The following KLHL1 variants were observed in gnomAD, a reference collection of about 807,000 sequenced individuals.
The protein encoded by KLHL1 is kelch like family member 1, also known as kelch-like protein 1.
In KLHL1, 47 loss-of-function variants were observed where a neutral mutation model predicts 77.7. That is an observed-to-expected ratio of 0.60 (90% CI 0.48 to 0.77). The LOEUF is 0.77. Among genes scored for constraint, KLHL1 ranks in the 30% least tolerant of loss-of-function variants. KLHL1 has a pLI of 0.00. For missense variants in KLHL1, 925 were observed against 910.8 expected, an observed-to-expected ratio of 1.02 and a Z score of -0.20; for synonymous variants, 360 against 325.2, an observed-to-expected ratio of 1.11 and a Z score of -1.15.
Position 69,955,940 on chromosome 13 carries a change from ATATT to A in KLHL1, c.817+5364_817+5367del, listed in dbSNP as rs1373008106. The stretch of plus-strand genomic sequence containing the variant: ...ATATATATTTATATATATTTGATAT[ATATT>A]TATATATATATTTGATATTTATATA... On this transcript the variant is annotated intron_variant, in intron 3 of 10. Coordinates refer to ENST00000377844, the MANE Select transcript of KLHL1 (RefSeq NM_020866.3). Among the ~76,000 whole-genome samples the A allele has an allele frequency of 5.4e-3, 522 of 96,546 alleles. 3 individuals carry two copies. Among genetic ancestry groups the A allele is most frequent in the Non-Finnish European group, 8.7e-3 (361 of 41,390 alleles). 63.3% of individuals were successfully genotyped at this position (96,546 alleles called of 152,430 possible). A position where few individuals can be genotyped will look rare whatever the true frequency, so the allele number is the denominator to read the frequency against.
chr13:70,081,684 A>T (rs560346965), intron 1 of KLHL1, among the ~76,000 whole-genome samples: 2 of 152,320 alleles, frequency 1.3e-5, no homozygotes, highest in South Asian at 4.1e-4. Context: ...TTAAACAGGA[A>T]TTTCCATTGT....
intron 4 of KLHL1, 98 bp from the exon 5 acceptor site, chr13:69,882,593 T>G (rs1881043817): frequency 5.3e-6 from 4 of 756,764 alleles, no homozygotes; most frequent in East Asian, 2.7e-5. Context: ...TCCTTTGTTC[T>G]TATTATAACA....
chr13:69,949,614 G>A (rs1307395172), intron 3 of KLHL1, among the ~76,000 whole-genome samples: 2 of 151,620 alleles, frequency 1.3e-5, no homozygotes, highest in Non-Finnish European at 2.9e-5. Flanking sequence ...CTTACGGAGG[G>A]GGGAGTTGTA....
At position 69,905,164 on chromosome 13, in the gene KLHL1, G is replaced by T. The variant is rs149128390; in HGVS notation, c.1015-22669C>A. On this transcript the variant is annotated intron_variant, in intron 4 of 10. Transcript: ENST00000377844. Reference sequence around the variant, plus strand: ...GATTATGTTTGTCATAAATCTTCAAGCAATGGTTTTGCCTAGTCCAACAGA... The same window carrying T: ...GATTATGTTTGTCATAAATCTTCAATCAATGGTTTTGCCTAGTCCAACAGA... Among the ~76,000 whole-genome samples, 68 of 152,222 alleles carry T rather than the reference G, an allele frequency of 4.5e-4. 1 individual carries two copies. The highest frequency in any genetic ancestry group is 1.5e-3 in the African/African-American group (63 of 41,556).
chr13:70,026,591 TA>T (rs1885947298), intron 1 of KLHL1, among the ~76,000 whole-genome samples: 1 of 152,116 alleles, frequency 6.6e-6, no homozygotes, highest in Non-Finnish European at 1.5e-5. Flanking sequence ...CCCTCATGAG[TA>T]AAAATAAGAC....
intron 1 of KLHL1, among the ~76,000 whole-genome samples, chr13:70,022,640 C>A (rs746606682): frequency 2.6e-5 from 4 of 151,892 alleles, no homozygotes; most frequent in Non-Finnish European, 5.9e-5. Context: ...AATCCAACTA[C>A]ACAATACAAA....
chr13:70,013,399 T>C (rs910453186), intron 1 of KLHL1, among the ~76,000 whole-genome samples: 11 of 152,282 alleles, frequency 7.2e-5, no homozygotes, highest in Non-Finnish European at 1.3e-4. Flanking sequence ...TTAAACTAGC[T>C]CAGACAATAC....
intron 1 of KLHL1, among the ~76,000 whole-genome samples, chr13:70,056,699 T>A (rs996149075): frequency 2.6e-4 from 40 of 152,112 alleles, no homozygotes; most frequent in African/African-American, 8.7e-4. Flanking sequence ...ACATGGAAAT[T>A]AAACAATATG....
rs1237974547 is a variant in KLHL1, at chr13:69,748,765, TAAATC to T, written c.1640-8214_1640-8210del. Among the ~76,000 whole-genome samples, 6 of 148,656 alleles carry T rather than the reference TAAATC, an allele frequency of 4.0e-5. No individual in the cohort carries two copies. The East Asian group carries it at 9.9e-4, about 24-fold the overall frequency. On this transcript the variant is annotated intron_variant, in intron 7 of 10. Transcript: ENST00000377844. ...CTTTTAATAAATTTTAGTTGTTAAATAAATCAAATGGTCAGGATGGTCTGTCTTAG... is the reference window on the plus strand; with the variant it reads ...CTTTTAATAAATTTTAGTTGTTAAATAAATGGTCAGGATGGTCTGTCTTAG...
At chr13:69,943,504 A>T (rs934080294) in intron 3 of KLHL1, among the ~76,000 whole-genome samples, 6 of 151,978 alleles carry the variant, frequency 3.9e-5, no homozygotes, top group Non-Finnish European at 5.9e-5. Flanking sequence ...TATATATTAA[A>T]ATATAGATTT....
intron 4 of KLHL1, among the ~76,000 whole-genome samples, chr13:69,893,243 T>TG (rs1336527535): frequency 6.6e-6 from 1 of 150,592 alleles, no homozygotes; most frequent in Non-Finnish European, 1.5e-5. Flanking sequence ...TTTTTTTTTT[T>TG]TTGAGAGGGA....
At chr13:69,736,699 T>TATATATAC (rs1873780020) in intron 8 of KLHL1, among the ~76,000 whole-genome samples, 1 of 151,746 alleles carries the variant, frequency 6.6e-6, no homozygotes, top group Admixed American at 6.6e-5. Flanking sequence ...TGTATATATA[T>TATATATAC]ATACACACAC....
intron 3 of KLHL1, among the ~76,000 whole-genome samples, chr13:69,941,323 A>C (rs1883359801): frequency 6.6e-6 from 1 of 152,066 alleles, no homozygotes; most frequent in South Asian, 2.1e-4. Context: ...AAATGCATGG[A>C]AGTTAATACT....
At chr13:69,895,029 T>G in intron 4 of KLHL1, 7 of 508,378 alleles carry the variant, frequency 1.4e-5, no homozygotes, top group South Asian at 1.0e-4. Flanking sequence ...CAATGATCTC[T>G]TCCAAGGTTC....
intron 1 of KLHL1, among the ~76,000 whole-genome samples, chr13:70,076,716 G>GA (rs1470467346): frequency 3.3e-5 from 5 of 151,006 alleles, no homozygotes; most frequent in Non-Finnish European, 7.4e-5. Flanking sequence ...CAGACCAGGA[G>GA]AAAATTTTTA....
At chr13:69,887,518 C>T (rs866515745) in intron 4 of KLHL1, among the ~76,000 whole-genome samples, 1 of 152,118 alleles carries the variant, frequency 6.6e-6, no homozygotes, top group Non-Finnish European at 1.5e-5. Flanking sequence ...AAGCAGTTGA[C>T]GAAAGCAACG....
At chr13:69,863,894 A>G (rs925944916) in intron 5 of KLHL1, among the ~76,000 whole-genome samples, 1 of 152,064 alleles carries the variant, frequency 6.6e-6, no homozygotes, top group African/African-American at 2.4e-5. Flanking sequence ...TTCTTGAGCT[A>G]TGAACCTTGC....
chr13:69,712,035 T>G (rs893883676), intron 9 of KLHL1, among the ~76,000 whole-genome samples: 2 of 152,282 alleles, frequency 1.3e-5, no homozygotes, highest in African/African-American at 4.8e-5. Context: ...TGAAGAGTTC[T>G]TGTTCAAATC....
chr13:70,099,619 T>C (rs1887876275), intron 1 of KLHL1, among the ~76,000 whole-genome samples: 2 of 152,014 alleles, frequency 1.3e-5, no homozygotes, highest in African/African-American at 4.8e-5. Flanking sequence ...AAAGTAAGGA[T>C]AATAAATACA....
Sources: gnomAD v4.1 joint callset for allele counts (sites outside exome capture counted in the v4.1 genomes callset) on GRCh38, gnomAD v4.1.1 for gene constraint, MANE v1.5 for transcripts, NCBI Gene and HGNC (gene_info 2026-07-23, HGNC 2026-07-21) for gene names.